The following PDE3B variants were observed in gnomAD, a reference collection of about 807,000 sequenced individuals.
PDE3B encodes phosphodiesterase 3B.
PDE3B carries 66 observed loss-of-function variants against 116.8 expected under a neutral mutation model. That is an observed-to-expected ratio of 0.56 (90% CI 0.46 to 0.69). The LOEUF (loss-of-function observed/expected upper bound fraction) is 0.69, where lower values mean the gene tolerates loss of function less well. Ranked by LOEUF, PDE3B falls within the 30% of genes least tolerant of loss-of-function variation. PDE3B has a pLI of 0.00. For synonymous variants in PDE3B, 595 were observed against 533.6 expected, an observed-to-expected ratio of 1.12 and a Z score of -1.59; for missense variants, 1,384 against 1,368.1, an observed-to-expected ratio of 1.01 and a Z score of -0.18.
intron 2 of PDE3B, among the ~76,000 whole-genome samples, chr11:14,784,357 T>C (rs1211749215): frequency 6.6e-6 from 1 of 152,148 alleles, no homozygotes; most frequent in Non-Finnish European, 1.5e-5. Flanking sequence ...AATTATAACA[T>C]CATCTGATAC....
intron 1 of PDE3B, among the ~76,000 whole-genome samples, chr11:14,726,465 A>C (rs913111723): frequency 6.6e-6 from 1 of 152,176 alleles, no homozygotes; most frequent in Non-Finnish European, 1.5e-5. Context: ...TCAGTGCTGA[A>C]ATGTAAATTT....
chr11:14,711,917 G>C (rs935214534), intron 1 of PDE3B, among the ~76,000 whole-genome samples: 1 of 152,144 alleles, frequency 6.6e-6, no homozygotes, highest in Non-Finnish European at 1.5e-5. Context: ...TGTCAGGGAA[G>C]GAAAGAATTT....
At chr11:14,804,193 C>A in intron 5 of PDE3B, 143 bp downstream of exon 5, 2 of 581,024 alleles carry the variant, frequency 3.4e-6, no homozygotes, top group Non-Finnish European at 6.1e-6. Context: ...TTTGGGTTGG[C>A]TACTAATTGA....
intron 1 of PDE3B, among the ~76,000 whole-genome samples, chr11:14,735,381 G>A (rs558961798): frequency 2.3e-4 from 35 of 152,208 alleles, no homozygotes; most frequent in African/African-American, 8.4e-4. Context: ...TTGTGAAGCA[G>A]GACAATAGTG....
At position 14,644,187 on chromosome 11, in the gene PDE3B, C is replaced by G. The variant is rs778994833; in HGVS notation, c.112C>G (p.Pro38Ala). The G allele has an allele frequency of 3.1e-6, 5 of 1,597,584 alleles. No individual in the cohort carries two copies. In the South Asian group the frequency reaches 5.5e-5, roughly 18 times the overall value. The part of the protein sequence containing the change: ...RNGYVKSCVS[P>A]LRQDPPRGFF... ...CGGCTACGTGAAGAGCTGCGTGAGC[C>G]CCTTGCGGCAGGACCCTCCGCGCGG... Residue 38 changes from proline to alanine, a missense_variant, in exon 1 of 16, where the codon CCC (proline) becomes GCC (alanine). This residue lies in a region of PDE3B where 956 missense variants were observed against 806.8 expected (regional missense o/e 1.18). Transcript: ENST00000282096.
intron 1 of PDE3B, among the ~76,000 whole-genome samples, chr11:14,724,540 G>T (rs912784118): frequency 5.3e-5 from 8 of 152,052 alleles, no homozygotes; most frequent in Non-Finnish European, 8.8e-5. Flanking sequence ...TTCAGATTTT[G>T]GATATTTGGA....
chr11:14,841,343 C>CTA (rs1191588162), intron 11 of PDE3B, among the ~76,000 whole-genome samples: 4 of 146,514 alleles, frequency 2.7e-5, no homozygotes, highest in Admixed American at 6.8e-5. Context: ...CTCTCTCTCT[C>CTA]TCTCTATATA....
chr11:14,782,093 A>T (rs935793503), intron 2 of PDE3B, among the ~76,000 whole-genome samples: 4 of 152,168 alleles, frequency 2.6e-5, no homozygotes, highest in Admixed American at 2.6e-4. Context: ...TAGGAATCCA[A>T]CTTGTGAGGG....
At chr11:14,675,530 C>T (rs776637420) in intron 1 of PDE3B, among the ~76,000 whole-genome samples, 5 of 152,118 alleles carry the variant, frequency 3.3e-5, no homozygotes, top group African/African-American at 9.6e-5. Flanking sequence ...TTCCATCCAG[C>T]TCCTCAGAGA....
chr11:14,790,536 T>C (rs1287188408), intron 4 of PDE3B, among the ~76,000 whole-genome samples: 1 of 152,106 alleles, frequency 6.6e-6, no homozygotes, highest in Non-Finnish European at 1.5e-5. Context: ...ATTTGATACA[T>C]TGAGTTAAGG....
Position 14,859,228 on chromosome 11 carries a change from C to T in PDE3B, c.2706C>T (p.Leu902=), listed in dbSNP as rs372887526. 2.0e-5 allele frequency: 32 copies of T among 1,610,190 alleles called. No homozygotes were observed. Among genetic ancestry groups the T allele is most frequent in the African/African-American group, 1.6e-4 (12 of 74,868 alleles). Residue 902 remains leucine, a synonymous_variant, in exon 13 of 16, where the codon CTC becomes CTT. Coordinates refer to ENST00000282096, the MANE Select transcript of PDE3B (RefSeq NM_000922.4). ...ATDLKKHFDF[L]AEFNAKANDV... ...ATCTTAAAAAGCATTTTGATTTTCT[C>T]GCAGAATTCAATGCCAAGGTTTGTT...
At chr11:14,714,187 A>G (rs555872398) in intron 1 of PDE3B, among the ~76,000 whole-genome samples, 2 of 152,098 alleles carry the variant, frequency 1.3e-5, no homozygotes, top group South Asian at 2.1e-4. Flanking sequence ...GCTCCAGTCC[A>G]GGGGAGGGGA....
At chr11:14,845,228 G>C (rs1040549920) in intron 12 of PDE3B, among the ~76,000 whole-genome samples, 5 of 152,034 alleles carry the variant, frequency 3.3e-5, no homozygotes, top group Non-Finnish European at 7.3e-5. Context: ...CAGGCAAACA[G>C]GGTCTGGAGT....
chr11:14,704,054 C>A (rs1414475948), intron 1 of PDE3B, among the ~76,000 whole-genome samples: 4 of 151,498 alleles, frequency 2.6e-5, no homozygotes, highest in South Asian at 4.2e-4. Context: ...TGATATGTGG[C>A]CTGAATCTTA....
intron 1 of PDE3B, among the ~76,000 whole-genome samples, chr11:14,762,154 C>CTTTTTT (rs750202417): frequency 2.1e-5 from 3 of 143,808 alleles, no homozygotes; most frequent in East Asian, 2.0e-4. Context: ...GGATTTTATA[C>CTTTTTT]TTTTTTTTTT....
intron 1 of PDE3B, among the ~76,000 whole-genome samples, chr11:14,720,880 C>T (rs1384990256): frequency 2.3e-5 from 2 of 87,504 alleles, no homozygotes; most frequent in East Asian, 3.3e-4. Flanking sequence ...ACTTCATGTC[C>T]AAAACACCAA....
the PDE3B span, among the ~76,000 whole-genome samples, chr11:14,899,174 C>T: frequency 1.3e-5 from 2 of 152,140 alleles, no homozygotes; most frequent in African/African-American, 2.4e-5. Flanking sequence ...TTCGCACTGC[C>T]AATTACCTTT....
rs1032606673 is a variant in PDE3B at position 14,718,005 on chromosome 11, T to G, written c.979-53932T>G. ...TGGATAAAGAGTCAAGACCCATCAG[T>G]GTGCTGTATTCAGGAAACCCATCTC... On this transcript the variant is annotated intron_variant, in intron 1 of 15. Transcript: ENST00000282096. Among the ~76,000 whole-genome samples, 101 of 149,588 alleles carry G rather than the reference T, an allele frequency of 6.8e-4. 1 individual carries two copies. Among genetic ancestry groups the G allele is most frequent in the African/African-American group, 2.4e-3 (98 of 40,886 alleles).
intron 1 of PDE3B, among the ~76,000 whole-genome samples, chr11:14,729,775 A>T (rs954653168): frequency 6.6e-5 from 10 of 152,208 alleles, no homozygotes; most frequent in Non-Finnish European, 1.3e-4. Flanking sequence ...ATTTTGTTTT[A>T]TATTTAATGG....
Sources: gnomAD v4.1 joint callset for allele counts (sites outside exome capture counted in the v4.1 genomes callset) on GRCh38, gnomAD v4.1.1 for gene constraint, gnomAD v4.1.1 regional missense constraint, MANE v1.5 for transcripts, NCBI Gene and HGNC (gene_info 2026-07-23, HGNC 2026-07-21) for gene names.